CDH11: variants seen among roughly 807,000 people sequenced by gnomAD.
CDH11 encodes the protein cadherin-11.
Under a neutral mutation model 67.8 loss-of-function variants are expected in CDH11, and 11 were observed. The ratio of observed to expected loss-of-function variants is 0.16; its 90% CI spans 0.10 to 0.27. CDH11 has a LOEUF of 0.27. CDH11 is among the 10% of genes least tolerant of loss of function. CDH11 has a pLI of 1.00. For missense variants in CDH11, 847 were observed against 1,031.2 expected, an observed-to-expected ratio of 0.82 and a Z score of 2.45; for synonymous variants, 419 against 400.0, an observed-to-expected ratio of 1.05 and a Z score of -0.57.
intron 11 of CDH11, among the ~76,000 whole-genome samples, chr16:64,957,442 A>G (rs1439482004): frequency 6.6e-6 from 1 of 152,088 alleles, no homozygotes; most frequent in Non-Finnish European, 1.5e-5. Context: ...TATCTACCAC[A>G]TGAAAAGCTC....
chr16:65,087,880 T>A (rs551617390), intron 1 of CDH11, among the ~76,000 whole-genome samples: 41 of 152,292 alleles, frequency 2.7e-4, no homozygotes, highest in African/African-American at 7.5e-4. Context: ...TTTTTCCTTC[T>A]TTTTAACAGT....
At chr16:65,028,522 T>C (rs1218704831) in intron 2 of CDH11, among the ~76,000 whole-genome samples, 3 of 151,972 alleles carry the variant, frequency 2.0e-5, no homozygotes, top group Non-Finnish European at 4.4e-5. Context: ...ACATAAGAGA[T>C]ACACACACAC....
chr16:65,077,378 T>C (rs1455515580), intron 1 of CDH11, among the ~76,000 whole-genome samples: 1 of 152,224 alleles, frequency 6.6e-6, no homozygotes, highest in Non-Finnish European at 1.5e-5. Flanking sequence ...GTAGCTTCTT[T>C]TCACAGCTGC....
At chr16:64,952,406 C>T (rs2142375209) in intron 11 of CDH11, among the ~76,000 whole-genome samples, 1 of 152,294 alleles carries the variant, frequency 6.6e-6, no homozygotes, top group South Asian at 2.1e-4. Context: ...ACACAGCAGA[C>T]ATTCAATAAA....
intron 2 of CDH11, among the ~76,000 whole-genome samples, chr16:65,040,705 A>G (rs117859357): frequency 3.8e-3 from 580 of 152,344 alleles, no homozygotes; most frequent in Non-Finnish European, 6.1e-3. Context: ...GTAAAGTATA[A>G]TAAAAAAATT....
At chr16:65,067,613 C>T (rs1314901224) in intron 1 of CDH11, among the ~76,000 whole-genome samples, 1 of 151,756 alleles carries the variant, frequency 6.6e-6, no homozygotes, top group Non-Finnish European at 1.5e-5. Context: ...ATTGTTTTTA[C>T]TTTTTAAATA....
At chr16:65,113,023 C>G (rs1195773917) in intron 1 of CDH11, among the ~76,000 whole-genome samples, 1 of 152,226 alleles carries the variant, frequency 6.6e-6, no homozygotes, top group Non-Finnish European at 1.5e-5. Context: ...CACGCTGGCT[C>G]ACGCCTGTAA....
chr16:65,102,994 G>C (rs746829131), intron 1 of CDH11, among the ~76,000 whole-genome samples: 13 of 152,184 alleles, frequency 8.5e-5, no homozygotes, highest in Non-Finnish European at 1.6e-4. Flanking sequence ...GCAACCTGGA[G>C]CCAGCCCGTC....
chr16:64,967,994 T>G lies in CDH11; in HGVS notation c.1642+3585A>C, dbSNP rs1187191106. On this transcript the variant is annotated intron_variant, in intron 11 of 12. Transcript: ENST00000268603. Reference sequence around the variant, plus strand: ...TTAATCCATAAATTAAATTTCAGAATTTGCCTCTTCTGAGGATTGTTATTA... The same window carrying G: ...TTAATCCATAAATTAAATTTCAGAAGTTGCCTCTTCTGAGGATTGTTATTA... Among the ~76,000 whole-genome samples the G allele has an allele frequency of 2.0e-5, 3 of 152,204 alleles. No individual in the cohort carries two copies. The East Asian group carries it at 5.8e-4, about 29-fold the overall frequency.
chr16:65,013,551 C>T (rs888202403), intron 2 of CDH11, among the ~76,000 whole-genome samples: 1 of 152,102 alleles, frequency 6.6e-6, no homozygotes, highest in Non-Finnish European at 1.5e-5. Flanking sequence ...CCCAGCCGGG[C>T]GCAGTGGCTC....
intron 1 of CDH11, among the ~76,000 whole-genome samples, chr16:65,114,440 A>G (rs1480992910): frequency 6.6e-6 from 1 of 152,098 alleles, no homozygotes; most frequent in Non-Finnish European, 1.5e-5. Flanking sequence ...CCCCAGACTC[A>G]TGAGCTTAGA....
rs114046603 is a variant in CDH11, at chr16:65,115,527, G to A, written c.-298+6353C>T. ...CACACTGAAGGCTCATCGTGAGCTA[G>A]GCCTTGCACTAAATTCTCATTTTAT... On this transcript the variant is annotated intron_variant, in intron 1 of 12. Coordinates refer to ENST00000268603, the MANE Select transcript of CDH11 (RefSeq NM_001797.4). Among the ~76,000 whole-genome samples the A allele has an allele frequency of 4.6e-3, 703 of 152,152 alleles. 9 individuals carry two copies. Among genetic ancestry groups the A allele is most frequent in the African/African-American group, 0.016 (661 of 41,512 alleles).
chr16:65,102,672 G>A (rs1390984918), intron 1 of CDH11, among the ~76,000 whole-genome samples: 1 of 152,216 alleles, frequency 6.6e-6, no homozygotes, highest in Non-Finnish European at 1.5e-5. Context: ...AAGTCAAGTA[G>A]CCCCATGAAG....
chr16:65,116,852 C>T (rs898110383), intron 1 of CDH11, among the ~76,000 whole-genome samples: 1 of 152,142 alleles, frequency 6.6e-6, no homozygotes, highest in Non-Finnish European at 1.5e-5. Context: ...TTCCTCCTTT[C>T]CCTCTCTTCT....
chr16:65,062,327 G>T (rs2074246395), intron 1 of CDH11, among the ~76,000 whole-genome samples: 1 of 152,186 alleles, frequency 6.6e-6, no homozygotes, highest in Non-Finnish European at 1.5e-5. Flanking sequence ...TCTGGAGTAT[G>T]CAAATCTCCA....
At chr16:65,047,557 G>A (rs1444005497) in intron 2 of CDH11, among the ~76,000 whole-genome samples, 2 of 151,774 alleles carry the variant, frequency 1.3e-5, no homozygotes, top group Non-Finnish European at 2.9e-5. Context: ...TCACCATGTT[G>A]GCCAGGATGG....
At chr16:65,016,915 T>G (rs2073322003) in intron 2 of CDH11, among the ~76,000 whole-genome samples, 1 of 152,210 alleles carries the variant, frequency 6.6e-6, no homozygotes, top group Non-Finnish European at 1.5e-5. Flanking sequence ...AACTGAGGGT[T>G]ATTCCCCTTT....
At chr16:64,998,533 G>A (rs2142510558) in intron 4 of CDH11, 29 bp downstream of exon 4, 1 of 1,600,178 alleles carries the variant, frequency 6.2e-7, no homozygotes, top group African/African-American at 1.3e-5. Context: ...AGGCCTGGAA[G>A]CAGAGCAGGC....
intron 7 of CDH11, chr16:64,985,802 G>T (rs1276355231): frequency 1.3e-5 from 2 of 149,286 alleles, no homozygotes; most frequent in Admixed American, 6.8e-5. Context: ...CCTACAATGC[G>T]CAGAACAGCC....
Sources: gnomAD v4.1 joint callset for allele counts (sites outside exome capture counted in the v4.1 genomes callset) on GRCh38, gnomAD v4.1.1 for gene constraint, MANE v1.5 for transcripts, NCBI Gene and HGNC (gene_info 2026-07-23, HGNC 2026-07-21) for gene names.